Variants in C19orf38 observed in about 807,000 individuals in gnomAD.
C19orf38 encodes the protein chromosome 19 open reading frame 38.
In C19orf38, 14 loss-of-function variants were observed where a neutral mutation model predicts 26.6. The ratio of observed to expected loss-of-function variants is 0.53; its 90% CI spans 0.35 to 0.82. The LOEUF (loss-of-function observed/expected upper bound fraction) is 0.82. Among genes scored for constraint, C19orf38 ranks in the 40% least tolerant of loss-of-function variants. The pLI is 0.01. For synonymous variants in C19orf38, 132 were observed against 128.5 expected (o/e 1.03, Z -0.18); for missense variants, 261 against 299.5 (o/e 0.87, Z 0.95).
chr19:10,837,048 C>G (rs540511219), intron 1 of C19orf38, among the ~76,000 whole-genome samples: 2 of 152,314 alleles, frequency 1.3e-5, no homozygotes, highest in African/African-American at 4.8e-5. Context: ...CCACCCATTA[C>G]TTGAGGCATT....
chr19:10,857,354 ATATATATATATATT>A (rs1307334847), intron 3 of C19orf38, among the ~76,000 whole-genome samples: 13 of 78,590 alleles, frequency 1.7e-4, no homozygotes, highest in South Asian at 3.9e-4. Context: ...ATATATATAT[ATATATATATATATT>A]TTTTTTTTTT....
At chr19:10,842,135 T>C in intron 1 of C19orf38, 1 of 1,582,246 alleles carries the variant, frequency 6.3e-7, no homozygotes, top group Non-Finnish European at 8.7e-7. Flanking sequence ...ACTCATTCAC[T>C]CAGGCCCAGA....
At chr19:10,865,098 A>C (rs1190460593) in intron 6 of C19orf38, among the ~76,000 whole-genome samples, 1 of 152,172 alleles carries the variant, frequency 6.6e-6, no homozygotes, top group African/African-American at 2.4e-5. Context: ...CACACCGCAC[A>C]GAACACCAGC....
chr19:10,850,188 C>G, intron 1 of C19orf38, 71 bp from the exon 2 acceptor site: 1 of 1,410,404 alleles, frequency 7.1e-7, no homozygotes, highest in African/African-American at 1.4e-5. Context: ...GGTCTACTTG[C>G]CCGAGGCCAC....
intron 1 of C19orf38, among the ~76,000 whole-genome samples, 175 bp from the exon 2 acceptor site, chr19:10,850,084 A>G (rs2073553866): frequency 6.6e-6 from 1 of 152,086 alleles, no homozygotes; most frequent in African/African-American, 2.4e-5. Context: ...AAGAAAAGTA[A>G]TTCAACTACA....
intron 3 of C19orf38, among the ~76,000 whole-genome samples, chr19:10,857,361 TATATA>T (rs1376008011): frequency 4.7e-4 from 43 of 91,174 alleles, no homozygotes; most frequent in African/African-American, 2.8e-3. Flanking sequence ...TATATATATA[TATATA>T]TTTTTTTTTT....
At chr19:10,864,957 AG>A (rs1158891029) in intron 6 of C19orf38, among the ~76,000 whole-genome samples, 2 of 152,244 alleles carry the variant, frequency 1.3e-5, no homozygotes, top group Middle Eastern at 6.8e-3. Flanking sequence ...CCTGGGATAC[AG>A]ATGGTAGGAA....
chr19:10,862,305 A>G (rs1409083420), intron 5 of C19orf38, among the ~76,000 whole-genome samples: 1 of 150,940 alleles, frequency 6.6e-6, no homozygotes, highest in Non-Finnish European at 1.5e-5. Context: ...CCTAGGCTGA[A>G]GTGATCCTCC....
upstream of C19orf38, among the ~76,000 whole-genome samples, chr19:10,847,361 C>CAGTGGA (rs2073526008): frequency 6.6e-6 from 1 of 151,106 alleles, no homozygotes; most frequent in Non-Finnish European, 1.5e-5. Context: ...AATCTAATGT[C>CAGTGGA]CACTGCTCTT....
At chr19:10,849,565 T>A (rs189222019) in intron 1 of C19orf38, among the ~76,000 whole-genome samples, 5 of 152,086 alleles carry the variant, frequency 3.3e-5, no homozygotes, top group African/African-American at 7.2e-5. Flanking sequence ...CTGGCCAACA[T>A]GGTGAAACCC....
chr19:10,845,402 C>T (rs528405258), upstream of C19orf38, among the ~76,000 whole-genome samples: 4 of 152,144 alleles, frequency 2.6e-5, no homozygotes, highest in South Asian at 8.3e-4. Flanking sequence ...CAGTAAGCTG[C>T]CCCCCAAAAA....
At chr19:10,856,875 C>T (rs748147995) in intron 3 of C19orf38, among the ~76,000 whole-genome samples, 7 of 151,896 alleles carry the variant, frequency 4.6e-5, no homozygotes, top group Non-Finnish European at 8.8e-5. Context: ...TAGCTCGCTG[C>T]ATCCTTGACC....
At position 10,850,487 on chromosome 19, in the gene C19orf38, A is replaced by G; in HGVS notation, c.260A>G (p.His87Arg). 6.4e-7 allele frequency: 1 copy of G among 1,551,574 alleles called. No individual in the cohort carries two copies. The highest frequency in any genetic ancestry group is 8.7e-7 in the Non-Finnish European group (1 of 1,146,950). The change falls in exon 2 of 7, where the codon CAC (histidine) becomes CGC (arginine). Residue 87 changes from histidine (H) to arginine (R), a missense_variant. Coordinates refer to ENST00000397820, the MANE Select transcript of C19orf38 (RefSeq NM_001136482.3). ...AGCAAGGCTCCAGGGGGACCCTTCC[A>G]CTGCCAGTATGGAGTGTTAGGTGAG... The part of the protein sequence containing the change: ...GSSKAPGGPF[H>R]CQYGVLGELN...
intron 1 of C19orf38, among the ~76,000 whole-genome samples, chr19:10,841,182 A>C (rs949418474): frequency 6.6e-6 from 1 of 152,240 alleles, no homozygotes; most frequent in East Asian, 1.9e-4. Flanking sequence ...TGAAACAAAA[A>C]AACTTCTCTA....
At chr19:10,842,310 G>A in intron 1 of C19orf38, 2 of 746,888 alleles carry the variant, frequency 2.7e-6, no homozygotes, top group South Asian at 3.3e-5. Flanking sequence ...ACCCAGGCTG[G>A]AGTGCAGTGG....
chr19:10,843,354 A>T (rs1599654928), intron 1 of C19orf38, among the ~76,000 whole-genome samples: 2 of 152,136 alleles, frequency 1.3e-5, no homozygotes, highest in Non-Finnish European at 1.5e-5. Flanking sequence ...TTCACCAGGG[A>T]CCTGCCCCTA....
intron 5 of C19orf38, among the ~76,000 whole-genome samples, chr19:10,860,561 G>T (rs2073687227): frequency 8.4e-6 from 1 of 119,756 alleles, no homozygotes; most frequent in African/African-American, 3.0e-5. Context: ...AAAAAAAAAG[G>T]CCAGGCGTGG....
At chr19:10,845,494 C>A (rs892230851), upstream of C19orf38, among the ~76,000 whole-genome samples, 4 of 152,142 alleles carry the variant, frequency 2.6e-5, no homozygotes, top group Non-Finnish European at 5.9e-5. Flanking sequence ...GCAAATATTT[C>A]TAACTTAATG....
At chr19:10,843,940 C>G (rs2073496643), upstream of C19orf38, among the ~76,000 whole-genome samples, 1 of 152,146 alleles carries the variant, frequency 6.6e-6, no homozygotes, top group South Asian at 2.1e-4. Flanking sequence ...TGGTGAAATC[C>G]TGTCTCTACT....
Sources: gnomAD v4.1 joint callset for allele counts (sites outside exome capture counted in the v4.1 genomes callset) on GRCh38, gnomAD v4.1.1 for gene constraint, MANE v1.5 for transcripts, NCBI Gene and HGNC (gene_info 2026-07-23, HGNC 2026-07-21) for gene names.